The following SPTLC1 variants were observed in gnomAD, a reference collection of about 807,000 sequenced individuals.
SPTLC1 encodes the protein serine palmitoyltransferase long chain base subunit 1.
SPTLC1 carries 55 observed loss-of-function variants against 68.9 expected under a neutral mutation model. The ratio of observed to expected loss-of-function variants is 0.80; its 90% confidence interval spans 0.64 to 1.00. SPTLC1 has a LOEUF of 1.00. Among genes scored for constraint, SPTLC1 ranks in the 50% least tolerant of loss-of-function variants. SPTLC1 has a pLI of 0.00. For missense variants in SPTLC1, 449 were observed against 573.1 expected (o/e 0.78, Z 2.21); for synonymous variants, 197 against 201.6 (o/e 0.98, Z 0.19).
intron 12 of SPTLC1, among the ~76,000 whole-genome samples, chr9:92,040,834 G>C (rs1833325045): frequency 6.6e-6 from 1 of 151,918 alleles, no homozygotes; most frequent in Non-Finnish European, 1.5e-5. Context: ...TTGATCAAAT[G>C]GTCTCATTTC....
chr9:92,098,098 G>A (rs1564114170), intron 3 of SPTLC1, among the ~76,000 whole-genome samples: 2 of 152,136 alleles, frequency 1.3e-5, no homozygotes, highest in South Asian at 2.1e-4. Context: ...CAGCATTCCC[G>A]GATTCACCGG....
chr9:92,089,252 A>G (rs981255787), intron 3 of SPTLC1, among the ~76,000 whole-genome samples: 2 of 152,174 alleles, frequency 1.3e-5, no homozygotes, highest in Non-Finnish European at 1.5e-5. Context: ...CTCTAGTAAT[A>G]ATACAAAAAA....
intron 6 of SPTLC1, among the ~76,000 whole-genome samples, chr9:92,066,258 G>A (rs73512330): frequency 0.011 from 1,656 of 152,252 alleles, 27 homozygotes; most frequent in African/African-American, 0.038. Flanking sequence ...TGTGTGGGAG[G>A]GAGGCTTGAG....
At chr9:92,071,315 G>A (rs373582423) in intron 5 of SPTLC1, among the ~76,000 whole-genome samples, 3 of 151,770 alleles carry the variant, frequency 2.0e-5, no homozygotes, top group Admixed American at 6.6e-5. Flanking sequence ...CAGGAGAATC[G>A]CCTGAACCCA....
chr9:92,096,155 G>C (rs1259924533), intron 3 of SPTLC1, among the ~76,000 whole-genome samples: 1 of 152,188 alleles, frequency 6.6e-6, no homozygotes, highest in Non-Finnish European at 1.5e-5. Context: ...TAATAGACTA[G>C]AGGACTCCTC....
intron 3 of SPTLC1, among the ~76,000 whole-genome samples, chr9:92,082,595 TTCC>T (rs1388845073): frequency 1.3e-5 from 2 of 151,730 alleles, no homozygotes; most frequent in Non-Finnish European, 2.9e-5. Context: ...CTGCATAGTA[TTCC>T]ATGGTGTATA....
At chr9:92,049,320 T>C (rs1833626329) in intron 9 of SPTLC1, among the ~76,000 whole-genome samples, 1 of 152,242 alleles carries the variant, frequency 6.6e-6, no homozygotes, top group Non-Finnish European at 1.5e-5. Flanking sequence ...GTAAGACAGC[T>C]GTTCAAGACT....
intron 7 of SPTLC1, among the ~76,000 whole-genome samples, chr9:92,057,655 T>A (rs1020385667): frequency 6.6e-6 from 1 of 152,236 alleles, no homozygotes; most frequent in South Asian, 2.1e-4. Flanking sequence ...GGGAACCCTG[T>A]AGGAAAGGGG....
At chr9:92,097,141 T>C (rs1448166277) in intron 3 of SPTLC1, among the ~76,000 whole-genome samples, 1 of 152,224 alleles carries the variant, frequency 6.6e-6, no homozygotes, top group Non-Finnish European at 1.5e-5. Context: ...CCTACTAGGA[T>C]GGCTACAATA....
chr9:92,067,494 A>T (rs1050026037), intron 6 of SPTLC1, among the ~76,000 whole-genome samples: 1 of 152,230 alleles, frequency 6.6e-6, no homozygotes, highest in African/African-American at 2.4e-5. Flanking sequence ...GCATGCATTC[A>T]GCACAGGCAC....
intron 14 of SPTLC1, among the ~76,000 whole-genome samples, chr9:92,033,145 C>T (rs903483004): frequency 2.0e-5 from 3 of 152,210 alleles, no homozygotes; most frequent in African/African-American, 7.2e-5. Context: ...CCAGTGCACA[C>T]CCAGTCAGAG....
intron 8 of SPTLC1, chr9:92,055,096 G>A (rs1489188858): frequency 5.9e-6 from 2 of 338,234 alleles, no homozygotes; most frequent in Non-Finnish European, 8.4e-6. Context: ...GTGGTGGCAT[G>A]TGCCTGTAGT....
At chr9:92,093,468 T>TGC (rs924881194) in intron 3 of SPTLC1, among the ~76,000 whole-genome samples, 6 of 152,084 alleles carry the variant, frequency 3.9e-5, no homozygotes, top group African/African-American at 1.4e-4. Context: ...TAAACAAGTG[T>TGC]GCACACACAC....
At chr9:92,088,922 T>A (rs79663972) in intron 3 of SPTLC1, among the ~76,000 whole-genome samples, 3,421 of 151,944 alleles carry the variant, frequency 0.023, 123 homozygotes, top group African/African-American at 0.079. Flanking sequence ...CAGAAAGACA[T>A]CTCCACAATC....
At chr9:92,050,516 G>C (rs1252535007) in intron 8 of SPTLC1, 1 of 181,500 alleles carries the variant, frequency 5.5e-6, no homozygotes, top group Admixed American at 5.5e-5. Context: ...TTGTGTGTTA[G>C]AGAAGCTTTG....
At chr9:92,050,923 CT>C (rs1190472442) in intron 8 of SPTLC1, 18 of 928,234 alleles carry the variant, frequency 1.9e-5, no homozygotes, top group Non-Finnish European at 1.3e-6. Flanking sequence ...AGTGATTCTC[CT>C]ACCTCCGCCA....
intron 3 of SPTLC1, among the ~76,000 whole-genome samples, chr9:92,103,105 C>A (rs548041592): frequency 1.3e-5 from 2 of 152,246 alleles, no homozygotes; most frequent in African/African-American, 2.4e-5. Context: ...ACCAGAGAAA[C>A]TGACTTTTAT....
chr9:92,114,401 T>C (rs559404881), intron 1 of SPTLC1, among the ~76,000 whole-genome samples: 1 of 152,356 alleles, frequency 6.6e-6, no homozygotes, highest in African/African-American at 2.4e-5. Flanking sequence ...CTTATGTATC[T>C]GAAATAACTA....
chr9:92,107,103 A>G (rs760368956), intron 3 of SPTLC1, among the ~76,000 whole-genome samples: 2 of 152,216 alleles, frequency 1.3e-5, no homozygotes, highest in Non-Finnish European at 2.9e-5. Flanking sequence ...AAATATGATC[A>G]CCTAAACCTA....
Sources: allele counts gnomAD v4.1 joint callset (sites outside exome capture counted in the v4.1 genomes callset), GRCh38; gene constraint gnomAD v4.1.1; transcripts MANE v1.5; gene names NCBI Gene and HGNC (gene_info 2026-07-23, HGNC 2026-07-21).